Variants in NRIP1 observed in about 807,000 individuals in gnomAD.
The protein encoded by NRIP1 is nuclear receptor-interacting protein 1.
In NRIP1, 28 loss-of-function variants were observed where a neutral mutation model predicts 75.0. The observed-to-expected ratio is 0.37, with a 90% CI of 0.28 to 0.51. The LOEUF is 0.51. NRIP1 is among the 20% of genes least tolerant of loss of function. NRIP1 has a pLI of 0.92. For missense variants in NRIP1, 1,435 were observed against 1,343.7 expected, an observed-to-expected ratio of 1.07 and a Z score of -1.06; for synonymous variants, 526 against 487.6, an observed-to-expected ratio of 1.08 and a Z score of -1.04.
chr21:15,043,005 C>T (rs570008729), intron 2 of NRIP1, among the ~76,000 whole-genome samples: 1 of 152,266 alleles, frequency 6.6e-6, no homozygotes, highest in African/African-American at 2.4e-5. Flanking sequence ...AATGGATGTT[C>T]GGAGGCAAAA....
intron 3 of NRIP1, among the ~76,000 whole-genome samples, chr21:15,008,112 C>A (rs1016763235): frequency 6.6e-5 from 10 of 151,682 alleles, no homozygotes; most frequent in Admixed American, 5.9e-4. Flanking sequence ...CCCGCTGAGA[C>A]CTCAGAAAGA....
chr21:15,032,957 G>A (rs1277945810), intron 2 of NRIP1, among the ~76,000 whole-genome samples: 1 of 152,160 alleles, frequency 6.6e-6, no homozygotes, highest in Non-Finnish European at 1.5e-5. Flanking sequence ...CGGGCGCGGT[G>A]GCTCACGCCT....
chr21:14,978,269 T>C (rs142630728), intron 3 of NRIP1, among the ~76,000 whole-genome samples: 211 of 152,322 alleles, frequency 1.4e-3, no homozygotes, highest in African/African-American at 4.8e-3. Context: ...TGTCAAATTA[T>C]AGCTGATGAA....
At position 14,966,107 on chromosome 21, in the gene NRIP1, G is replaced by A. The variant is rs558689511; in HGVS notation, c.2086C>T (p.Pro696Ser). The A allele has an allele frequency of 6.2e-6, 10 of 1,612,398 alleles. No individual in the cohort carries two copies. The African/African-American group carries it at 6.7e-5, about 11-fold the overall frequency. ...AFSSQPTGPE[P>S]GLSGSEIENL... ...TCTATTTCAGAACCAGAAAGCCCTG[G>A]TTCAGGACCTGTTGGTTGACTACTA... The change falls in exon 4 of 4, where the codon CCA becomes TCA. Residue 696 changes from proline (P) to serine (S), a missense_variant. Physicochemically the swap from Pro to Ser is moderately conservative, Grantham distance 74. Transcript: ENST00000318948.
At chr21:15,030,621 T>C (rs2147253579) in intron 2 of NRIP1, among the ~76,000 whole-genome samples, 1 of 152,292 alleles carries the variant, frequency 6.6e-6, no homozygotes, top group Non-Finnish European at 1.5e-5. Context: ...TTCTAATAAG[T>C]TAAATGGTAA....
intron 2 of NRIP1, among the ~76,000 whole-genome samples, chr21:15,023,756 A>G (rs907918195): frequency 1.1e-4 from 16 of 152,222 alleles, no homozygotes; most frequent in Non-Finnish European, 1.5e-4. Context: ...CCTACCACCA[A>G]AAGAAAATAG....
rs1189375310 is a variant in NRIP1, at chr21:15,064,887, C to G, written c.-680G>C. 1 of 148,218 alleles carries G rather than the reference C, an allele frequency of 6.7e-6. No homozygotes were observed. The highest frequency in any genetic ancestry group is 2.0e-4 in the East Asian group (1 of 5,102). 9.2% of individuals were successfully genotyped at this position (148,218 alleles called of 1,614,324 possible). A position where few individuals can be genotyped will look rare whatever the true frequency, so the allele number is the denominator to read the frequency against. The stretch of plus-strand genomic sequence containing the variant: ...CGGCGCAGCGGCGGACGCGAGGCCA[C>G]GGGCGGACGGGCGCGCGCGGGTGGC... On this transcript the variant is annotated 5_prime_UTR_variant, in exon 1 of 4. Transcript: ENST00000318948.
At chr21:15,062,073 T>C (rs2089435183) in intron 1 of NRIP1, among the ~76,000 whole-genome samples, 1 of 152,232 alleles carries the variant, frequency 6.6e-6, no homozygotes, top group African/African-American at 2.4e-5. Context: ...GTTCTTTCTG[T>C]TCAACTGGTA....
At position 14,967,616 on chromosome 21, in the gene NRIP1, T is replaced by G; in HGVS notation, c.577A>C (p.Lys193Gln). The G allele has an allele frequency of 6.2e-7, 1 of 1,613,794 alleles. No homozygotes were observed. Among genetic ancestry groups the G allele is most frequent in the East Asian group, 2.2e-5 (1 of 44,888 alleles). ...SHLKTLLKKS[K>Q]VKDQKPDTNL... ...GTATCAGGCTTTTGATCTTTAACTT[T>G]ACTTTTCTTCAACAAAGTTTTTAAG... Residue 193 changes from lysine (K) to glutamine (Q), a missense_variant, in exon 4 of 4, where the codon AAA becomes CAA. Transcript: ENST00000318948.
intron 2 of NRIP1, among the ~76,000 whole-genome samples, chr21:15,030,066 C>T (rs1012087431): frequency 6.6e-6 from 1 of 152,152 alleles, no homozygotes; most frequent in South Asian, 2.1e-4. Flanking sequence ...TAGTAAGAGG[C>T]AGGGCTTAGG....
Position 15,030,857 on chromosome 21 carries a change from C to CATT in NRIP1, c.-458+12637_-458+12638insAAT, listed in dbSNP as rs1314539827. Among the ~76,000 whole-genome samples, 147 of 148,192 alleles carry CATT rather than the reference C, an allele frequency of 9.9e-4. 2 individuals are homozygous for CATT. The highest frequency in any genetic ancestry group is 3.4e-3 in the African/African-American group (140 of 40,950). On this transcript the variant is annotated intron_variant, in intron 2 of 3. Transcript: ENST00000318948. ...CTGGAAGGCGGTTGGAGGATCACTA[C>CATT]CTTCCCCTTCTATGTGTGTACACTC...
At chr21:15,000,129 T>C (rs1201570571) in intron 3 of NRIP1, among the ~76,000 whole-genome samples, 1 of 152,172 alleles carries the variant, frequency 6.6e-6, no homozygotes, top group Non-Finnish European at 1.5e-5. Flanking sequence ...TAAGACTCAG[T>C]CATTTGAACT....
intron 3 of NRIP1, chr21:14,974,445 C>T (rs2086992186): frequency 2.0e-5 from 3 of 152,106 alleles, no homozygotes; most frequent in African/African-American, 7.2e-5. Context: ...TTCGTAATTG[C>T]CCAATATATT....
At chr21:15,008,157 G>C (rs2088017732) in intron 3 of NRIP1, among the ~76,000 whole-genome samples, 1 of 152,092 alleles carries the variant, frequency 6.6e-6, no homozygotes, top group African/African-American at 2.4e-5. Flanking sequence ...AAGAGAGTAG[G>C]GAGTAAAACA....
chr21:15,018,937 T>C (rs1271383682), intron 2 of NRIP1, among the ~76,000 whole-genome samples: 2 of 152,068 alleles, frequency 1.3e-5, no homozygotes, highest in Admixed American at 1.3e-4. Context: ...CCTTCCACTA[T>C]TAATTATTAT....
At chr21:15,064,402 A>C (rs751633058) in intron 1 of NRIP1, among the ~76,000 whole-genome samples, 1 of 152,114 alleles carries the variant, frequency 6.6e-6, no homozygotes, top group Admixed American at 6.5e-5. Flanking sequence ...CGGGACCGAG[A>C]GGGCAAGCGA....
In NRIP1 at chr21:15,011,910, T is replaced by G. The variant is rs77515898; in HGVS notation, c.-335+2434A>C. On this transcript the variant is annotated intron_variant, in intron 3 of 3. Transcript: ENST00000318948. The stretch of plus-strand genomic sequence containing the variant: ...CTTTCAAAAGAAGGAGCTAACAAAA[T>G]AGCAAGGGAAACATGGCCTAAGACA... Among the ~76,000 whole-genome samples the G allele has an allele frequency of 0.018, 2,756 of 152,276 alleles. 232 individuals are homozygous for G. The East Asian group carries it at 0.27, about 15-fold the overall frequency.
At chr21:15,039,603 T>C (rs2088909725) in intron 2 of NRIP1, among the ~76,000 whole-genome samples, 1 of 152,104 alleles carries the variant, frequency 6.6e-6, no homozygotes, top group African/African-American at 2.4e-5. Context: ...TGAGAAGTCA[T>C]AGGCACATCT....
intron 2 of NRIP1, among the ~76,000 whole-genome samples, chr21:15,039,489 T>C (rs1189684884): frequency 2.0e-5 from 3 of 152,134 alleles, no homozygotes; most frequent in Non-Finnish European, 4.4e-5. Flanking sequence ...AAACCCACAT[T>C]AATGTGAGAT....
Sources: allele counts gnomAD v4.1 joint callset (sites outside exome capture counted in the v4.1 genomes callset), GRCh38; gene constraint gnomAD v4.1.1; transcripts MANE v1.5; gene names NCBI Gene and HGNC (gene_info 2026-07-23, HGNC 2026-07-21).